NET1: variants seen among roughly 807,000 people sequenced by gnomAD.
NET1 encodes neuroepithelial cell-transforming gene 1 protein.
NET1 carries 42 observed loss-of-function variants against 61.1 expected under a neutral mutation model. The observed-to-expected ratio is 0.69, with a 90% CI of 0.54 to 0.89. NET1 has a LOEUF of 0.89. NET1 is among the 40% of genes least tolerant of loss of function. NET1 has a pLI of 0.00. For missense variants in NET1, 654 were observed against 747.3 expected, an observed-to-expected ratio of 0.88 and a Z score of 1.46; for synonymous variants, 254 against 281.8, an observed-to-expected ratio of 0.90 and a Z score of 0.99.
rs752502462 is a variant in NET1, at chr10:5,451,806, G to A, written c.256-24G>A. On this transcript the variant is annotated intron_variant, in intron 3 of 11. Coordinates refer to ENST00000355029, the MANE Select transcript of NET1 (RefSeq NM_001047160.3). This position sits in a 1 kb window ranked among gnomAD's most constrained non-coding sequence, Gnocchi z 6.1. ...ATCATTGCACCTAGACATATATTTA[G>A]TGTCATCTGGTTTGTTTTTATAGGA... 1 of 1,577,312 alleles carries A rather than the reference G, an allele frequency of 6.3e-7. No individual in the cohort carries two copies. Among genetic ancestry groups the A allele is most frequent in the Non-Finnish European group, 8.7e-7 (1 of 1,148,020 alleles).
rs1408453113 is a variant in NET1 at position 5,440,966 on chromosome 10, C to T, written c.256-10864C>T. 3.3e-5 allele frequency among the ~76,000 whole-genome samples: 5 copies of T among 152,160 alleles called. No individual in the cohort carries two copies. The highest frequency in any genetic ancestry group is 1.3e-4 in the Admixed American group (2 of 15,280). The stretch of plus-strand genomic sequence containing the variant: ...TAGCCTGGGTTCTCCCTCCAGAAAT[C>T]AGAGCCTAAAACGAGGACTCATTGA... On this transcript the variant is annotated intron_variant, in intron 3 of 11. Transcript: ENST00000355029. This position sits in a 1 kb window ranked among gnomAD's most constrained non-coding sequence, Gnocchi z 4.1.
chr10:5,412,617 G>A lies in NET1; in HGVS notation c.-76G>A. 1 of 1,405,220 alleles carries A rather than the reference G, an allele frequency of 7.1e-7. No homozygotes were observed. Among genetic ancestry groups the A allele is most frequent in the East Asian group, 3.1e-5 (1 of 32,736 alleles). The allele number at this position is 1,405,220 out of a possible 1,614,324, so 87.0% of individuals were successfully genotyped here. ...GCTGACAGGCGCTTTCTGCCTGGCA[G>A]AGGCTGGCGGGCATCGTGCCCGTCC... On this transcript the variant is annotated 5_prime_UTR_variant, in exon 1 of 12. Transcript: ENST00000355029. The surrounding 1 kb of genome is among the most constrained non-coding windows in gnomAD (Gnocchi z 6.5).
In NET1 at chr10:5,455,074, A is replaced by G. The variant is rs755393221; in HGVS notation, c.1153A>G (p.Lys385Glu). Residue 385 changes from lysine (K) to glutamate (E), a missense_variant, in exon 10 of 12, where the codon AAA (lysine) becomes GAA (glutamate). Lys to Glu is a moderately conservative substitution (Grantham distance 56). Coordinates refer to ENST00000355029, the MANE Select transcript of NET1 (RefSeq NM_001047160.3). This position sits in a 1 kb window ranked among gnomAD's most constrained non-coding sequence, Gnocchi z 6.5. Reference protein sequence around the residue: ...KQRDPRIEASKVLLCHGELRS... With the variant: ...KQRDPRIEASEVLLCHGELRS... Reference sequence around the variant, plus strand: ...GAGGGACCCCAGAATCGAAGCGAGCAAAGTGCTGCTGTGCCATGGGGAGCT... The same window carrying G: ...GAGGGACCCCAGAATCGAAGCGAGCGAAGTGCTGCTGTGCCATGGGGAGCT... 6.2e-7 allele frequency: 1 copy of G among 1,614,006 alleles called. No individual in the cohort carries two copies. The highest frequency in any genetic ancestry group is 8.5e-7 in the Non-Finnish European group (1 of 1,180,046).
chr10:5,438,479 A>G (rs978546801), intron 3 of NET1, among the ~76,000 whole-genome samples: 1 of 152,154 alleles, frequency 6.6e-6, no homozygotes, highest in African/African-American at 2.4e-5. Flanking sequence ...ATGCCAACAA[A>G]TGGATAATCT....
At position 5,424,325 on chromosome 10, in the gene NET1, A is replaced by G. The variant is rs1391603318; in HGVS notation, c.129-2330A>G. Among the ~76,000 whole-genome samples the G allele has an allele frequency of 6.6e-6, 1 of 152,204 alleles. No individual in the cohort carries two copies. Among genetic ancestry groups the G allele is most frequent in the Non-Finnish European group, 1.5e-5 (1 of 68,022 alleles). ...CATGTAGCATACAGTAGCACCTAATACACTAAGAGTATTAATTCCTAGAGC... is the reference window on the plus strand; with the variant it reads ...CATGTAGCATACAGTAGCACCTAATGCACTAAGAGTATTAATTCCTAGAGC... On this transcript the variant is annotated intron_variant, in intron 1 of 11. Transcript: ENST00000355029. This position sits in a 1 kb window ranked among gnomAD's most constrained non-coding sequence, Gnocchi z 6.1.
chr10:5,452,699 T>C lies in NET1; in HGVS notation c.532-159T>C. The C allele has an allele frequency of 1.1e-6, 1 of 905,228 alleles. No individual in the cohort carries two copies. The highest frequency in any genetic ancestry group is 1.7e-6 in the Non-Finnish European group (1 of 599,026). The allele number at this position is 905,228 out of a possible 1,614,324, so 56.1% of individuals were successfully genotyped here. On this transcript the variant is annotated intron_variant, in intron 5 of 11. Coordinates refer to ENST00000355029, the MANE Select transcript of NET1 (RefSeq NM_001047160.3). This position sits in a 1 kb window ranked among gnomAD's most constrained non-coding sequence, Gnocchi z 4.0. ...TCTAATAGGGTAAACTTACCAAACA[T>C]ACGGCAACCTTGTATTTGAGATTCC... is the stretch of plus-strand genomic sequence containing the variant.
Position 5,451,511 on chromosome 10 carries a change from TAAA to T in NET1, c.256-308_256-306del, listed in dbSNP as rs201010625. Among the ~76,000 whole-genome samples the T allele has an allele frequency of 6.8e-6, 1 of 147,634 alleles. No homozygotes were observed. Among genetic ancestry groups the T allele is most frequent in the Non-Finnish European group, 1.5e-5 (1 of 66,938 alleles). On this transcript the variant is annotated intron_variant, in intron 3 of 11. Coordinates refer to ENST00000355029, the MANE Select transcript of NET1 (RefSeq NM_001047160.3). This position sits in a 1 kb window ranked among gnomAD's most constrained non-coding sequence, Gnocchi z 6.1. ...TTTTCATAACAATAAGGCTTTTTTTTAAAAAAAAAAAAAGTTATTCCCTGCATT... is the reference window on the plus strand; with the variant it reads ...TTTTCATAACAATAAGGCTTTTTTTTAAAAAAAAAAGTTATTCCCTGCATT...
chr10:5,446,590 CT>C lies in NET1; in HGVS notation c.256-5238del. ...CCGCCCCCGAGCCCTGGGGTCGGTG[CT>C]TGCTGCCTGCGGCTCTCAGAAGCCT... is the stretch of plus-strand genomic sequence containing the variant. On this transcript the variant is annotated intron_variant, in intron 3 of 11. Coordinates refer to ENST00000355029, the MANE Select transcript of NET1 (RefSeq NM_001047160.3). This position sits in a 1 kb window ranked among gnomAD's most constrained non-coding sequence, Gnocchi z 5.0. The C allele has an allele frequency of 8.3e-7, 1 of 1,202,520 alleles. No individual in the cohort carries two copies. The highest frequency in any genetic ancestry group is 1.0e-6 in the Non-Finnish European group (1 of 967,292). The allele number at this position is 1,202,520 out of a possible 1,614,324, so 74.5% of individuals were successfully genotyped here.
rs1353293143 is a variant in NET1, at chr10:5,421,239, T to C, written c.129-5416T>C. ...GGTCCTGAAAATTGGACACAAGTAA[T>C]GTTTAAATAATTTTATTTCTGTCTT... On this transcript the variant is annotated intron_variant, in intron 1 of 11. Transcript: ENST00000355029. The surrounding 1 kb of genome is among the most constrained non-coding windows in gnomAD (Gnocchi z 4.2). 6.6e-6 allele frequency among the ~76,000 whole-genome samples: 1 copy of C among 152,212 alleles called. No homozygotes were observed. Among genetic ancestry groups the C allele is most frequent in the Admixed American group, 6.5e-5 (1 of 15,282 alleles).
chr10:5,439,620 C>T lies in NET1; in HGVS notation c.255+10391C>T, dbSNP rs1339596396. Among the ~76,000 whole-genome samples the T allele has an allele frequency of 6.6e-6, 1 of 152,224 alleles. No homozygotes were observed. The highest frequency in any genetic ancestry group is 1.5e-5 in the Non-Finnish European group (1 of 68,042). On this transcript the variant is annotated intron_variant, in intron 3 of 11. Transcript: ENST00000355029. The surrounding 1 kb of genome is among the most constrained non-coding windows in gnomAD (Gnocchi z 4.8). ...AAATGATGTCCTGTAGCCAGGGCCT[C>T]ACTCTAACTAGGTCTGCCCCACACC...
chr10:5,453,444 T>C lies in NET1; in HGVS notation c.692-40T>C. 2 of 1,606,242 alleles carry C rather than the reference T, an allele frequency of 1.2e-6. No homozygotes were observed. Among genetic ancestry groups the C allele is most frequent in the Non-Finnish European group, 1.7e-6 (2 of 1,172,790 alleles). The stretch of plus-strand genomic sequence containing the variant: ...ATGTAGTGCTGACCTATTTTTTAAA[T>C]AAACCTGTTAATGGTGTTTATGCTT... On this transcript the variant is annotated intron_variant, in intron 7 of 11. Transcript: ENST00000355029. The surrounding 1 kb of genome is among the most constrained non-coding windows in gnomAD (Gnocchi z 4.9).
Position 5,455,948 on chromosome 10 carries a change from G to A in NET1, c.1198-139G>A. ...TAGCCTTGAAATTGCCATCTTTATG[G>A]ATTACTAGATTTGTCACTTAGAGAG... On this transcript the variant is annotated intron_variant, in intron 10 of 11. Transcript: ENST00000355029. This position sits in a 1 kb window ranked among gnomAD's most constrained non-coding sequence, Gnocchi z 6.5. 1 of 797,528 alleles carries A rather than the reference G, an allele frequency of 1.3e-6. No individual in the cohort carries two copies. Among genetic ancestry groups the A allele is most frequent in the Non-Finnish European group, 1.9e-6 (1 of 528,838 alleles). 49.4% of individuals were successfully genotyped at this position (797,528 alleles called of 1,614,324 possible).
intron 3 of NET1, among the ~76,000 whole-genome samples, chr10:5,448,672 A>ATTTTTTTTTTTTT (rs55722042): frequency 1.6e-5 from 2 of 126,758 alleles, no homozygotes; most frequent in African/African-American, 3.1e-5. Flanking sequence ...GGATTTTTGG[A>ATTTTTTTTTTTTT]TTTTTTTTTT....
chr10:5,412,613 G>C lies in NET1; in HGVS notation c.-80G>C. ...GTCCGCTGACAGGCGCTTTCTGCCT[G>C]GCAGAGGCTGGCGGGCATCGTGCCC... On this transcript the variant is annotated 5_prime_UTR_variant, in exon 1 of 12. Coordinates refer to ENST00000355029, the MANE Select transcript of NET1 (RefSeq NM_001047160.3). This position sits in a 1 kb window ranked among gnomAD's most constrained non-coding sequence, Gnocchi z 6.5. 7.2e-7 allele frequency: 1 copy of C among 1,394,392 alleles called. No homozygotes were observed. The highest frequency in any genetic ancestry group is 3.1e-5 in the East Asian group (1 of 32,638). 86.4% of individuals were successfully genotyped at this position (1,394,392 alleles called of 1,614,324 possible).
In NET1 at chr10:5,426,337, A is replaced by G. The variant is rs890787742; in HGVS notation, c.129-318A>G. ...TGTTTTTTATTTAACCTATTAATAT[A>G]TTTCATGTTTTTGAACTATATGTAT... On this transcript the variant is annotated intron_variant, in intron 1 of 11. Coordinates refer to ENST00000355029, the MANE Select transcript of NET1 (RefSeq NM_001047160.3). The surrounding 1 kb of genome is among the most constrained non-coding windows in gnomAD (Gnocchi z 4.6). Among the ~76,000 whole-genome samples the G allele has an allele frequency of 6.6e-6, 1 of 152,088 alleles. No homozygotes were observed. Among genetic ancestry groups the G allele is most frequent in the African/African-American group, 2.4e-5 (1 of 41,444 alleles).
At chr10:5,425,050 C>T (rs1428048676) in intron 1 of NET1, among the ~76,000 whole-genome samples, 1 of 152,218 alleles carries the variant, frequency 6.6e-6, no homozygotes, top group East Asian at 1.9e-4. Context: ...GATGCTTTAG[C>T]CCGTCCTTAT....
chr10:5,438,448 A>G (rs1435471863), intron 3 of NET1, among the ~76,000 whole-genome samples: 1 of 152,208 alleles, frequency 6.6e-6, no homozygotes, highest in Admixed American at 6.5e-5. Context: ...TAATATTAAT[A>G]AAAGTACTGT....
chr10:5,428,963 A>C, intron 2 of NET1, among the ~76,000 whole-genome samples: 1 of 149,640 alleles, frequency 6.7e-6, no homozygotes, highest in African/African-American at 2.5e-5. Context: ...CGAACTCCTG[A>C]CCTCAGACGA....
intron 3 of NET1, among the ~76,000 whole-genome samples, chr10:5,430,067 A>G (rs1832324361): frequency 6.6e-6 from 1 of 152,186 alleles, no homozygotes; most frequent in Non-Finnish European, 1.5e-5. Flanking sequence ...TTTAGTACAC[A>G]GTGTCTTCAT....
Sources: gnomAD v4.1 joint callset for allele counts (sites outside exome capture counted in the v4.1 genomes callset) on GRCh38, gnomAD v4.1.1 for gene constraint, Gnocchi (gnomAD v3.1) non-coding constraint, MANE v1.5 for transcripts, NCBI Gene and HGNC (gene_info 2026-07-23, HGNC 2026-07-21) for gene names.